LUZP2: variants seen among roughly 807,000 people sequenced by gnomAD.
The protein encoded by LUZP2 is leucine zipper protein 2.
In LUZP2, 52 loss-of-function variants were observed where a neutral mutation model predicts 51.6. The observed-to-expected ratio is 1.01, with a 90% CI of 0.81 to 1.27. The LOEUF (loss-of-function observed/expected upper bound fraction) is 1.27. Ranked by LOEUF, LUZP2 falls within the 50% of genes most tolerant of loss-of-function variation. The pLI, the probability that LUZP2 is intolerant of heterozygous loss-of-function variation, is 0.00. For synonymous variants in LUZP2, 154 were observed against 137.3 expected (o/e 1.12, Z -0.85); for missense variants, 436 against 395.4 (o/e 1.10, Z -0.87).
At chr11:24,704,393 A>G (rs1292137293) in intron 1 of LUZP2, among the ~76,000 whole-genome samples, 2 of 152,026 alleles carry the variant, frequency 1.3e-5, no homozygotes, top group African/African-American at 4.8e-5. Context: ...GCATTATCCA[A>G]ATTATAATTT....
chr11:24,867,032 A>G (rs762302714), intron 5 of LUZP2, among the ~76,000 whole-genome samples: 1 of 152,164 alleles, frequency 6.6e-6, no homozygotes, highest in African/African-American at 2.4e-5. Context: ...GAGTAATTCA[A>G]CTTGACTTCA....
chr11:25,020,291 T>A (rs1348884674), intron 9 of LUZP2, among the ~76,000 whole-genome samples: 1 of 152,116 alleles, frequency 6.6e-6, no homozygotes, highest in African/African-American at 2.4e-5. Flanking sequence ...CCTCTTTTTT[T>A]AATAAGAAAT....
intron 9 of LUZP2, among the ~76,000 whole-genome samples, chr11:24,996,350 T>A (rs1318524900): frequency 2.0e-5 from 3 of 151,388 alleles, no homozygotes; most frequent in African/African-American, 7.3e-5. Flanking sequence ...GTAAAACAGA[T>A]TCAACTCTCA....
At chr11:24,809,797 G>A (rs1849965134) in intron 5 of LUZP2, among the ~76,000 whole-genome samples, 1 of 151,958 alleles carries the variant, frequency 6.6e-6, no homozygotes, top group African/African-American at 2.4e-5. Context: ...ATTATGAAGT[G>A]GTTAGATTTG....
At chr11:24,793,469 CTT>C (rs1328198137) in intron 5 of LUZP2, among the ~76,000 whole-genome samples, 1 of 152,096 alleles carries the variant, frequency 6.6e-6, no homozygotes, top group Non-Finnish European at 1.5e-5. Context: ...AGTGAAAAGA[CTT>C]TTATGGATCC....
At chr11:25,026,180 A>G (rs957869112) in intron 9 of LUZP2, among the ~76,000 whole-genome samples, 1 of 151,784 alleles carries the variant, frequency 6.6e-6, no homozygotes, top group Non-Finnish European at 1.5e-5. Context: ...ATTAGGAGAT[A>G]TACCTAATGT....
intron 1 of LUZP2, among the ~76,000 whole-genome samples, chr11:24,678,935 C>G (rs921777852): frequency 3.9e-5 from 6 of 152,182 alleles, no homozygotes; most frequent in Admixed American, 3.9e-4. Flanking sequence ...GCCTGCACCG[C>G]AAGAGAACAA....
intron 5 of LUZP2, among the ~76,000 whole-genome samples, chr11:24,806,977 A>G (rs1849872007): frequency 6.7e-6 from 1 of 148,776 alleles, no homozygotes; most frequent in Non-Finnish European, 1.5e-5. Context: ...TATTAATCAC[A>G]TCAGTGGGCA....
At chr11:24,507,337 A>T (rs1371065872) in intron 1 of LUZP2, among the ~76,000 whole-genome samples, 1 of 152,102 alleles carries the variant, frequency 6.6e-6, no homozygotes, top group Non-Finnish European at 1.5e-5. Flanking sequence ...TTGTAGCTGA[A>T]GTCAGGAGAA....
intron 1 of LUZP2, among the ~76,000 whole-genome samples, chr11:24,627,315 G>GA (rs1189908805): frequency 2.0e-5 from 3 of 152,222 alleles, no homozygotes; most frequent in Admixed American, 6.5e-5. Context: ...AATGTGCCCA[G>GA]AAAAAAGAGA....
intron 1 of LUZP2, among the ~76,000 whole-genome samples, chr11:24,622,798 A>G (rs1283262814): frequency 1.3e-5 from 2 of 152,146 alleles, no homozygotes; most frequent in East Asian, 1.9e-4. Flanking sequence ...TACTTGACCA[A>G]GTTTTTGAGA....
At chr11:24,967,811 A>G (rs1855631796) in intron 7 of LUZP2, among the ~76,000 whole-genome samples, 1 of 152,006 alleles carries the variant, frequency 6.6e-6, no homozygotes, top group African/African-American at 2.4e-5. Context: ...GCTGCCTTAA[A>G]GTGTTTTTCT....
At chr11:24,897,868 A>G (rs1269251985) in intron 5 of LUZP2, among the ~76,000 whole-genome samples, 1 of 152,096 alleles carries the variant, frequency 6.6e-6, no homozygotes, top group African/African-American at 2.4e-5. Context: ...GGAGATTTTC[A>G]TCTTTGTCCT....
chr11:24,525,265 A>G (rs188970284), intron 1 of LUZP2, among the ~76,000 whole-genome samples: 46 of 151,832 alleles, frequency 3.0e-4, no homozygotes, highest in African/African-American at 9.2e-4. Flanking sequence ...TTCATGAGGA[A>G]GAACATTAGG....
At chr11:24,514,775 C>T (rs993743299) in intron 1 of LUZP2, among the ~76,000 whole-genome samples, 5 of 152,102 alleles carry the variant, frequency 3.3e-5, no homozygotes, top group Non-Finnish European at 7.3e-5. Context: ...AGAATTCTCC[C>T]CACTGGTGTT....
At chr11:24,865,470 A>G (rs1184350193) in intron 5 of LUZP2, among the ~76,000 whole-genome samples, 10 of 152,152 alleles carry the variant, frequency 6.6e-5, no homozygotes, top group African/African-American at 2.4e-4. Context: ...AAAGAGGCCA[A>G]GTTTTTTGCT....
At chr11:24,944,120 A>C (rs910043294) in intron 7 of LUZP2, among the ~76,000 whole-genome samples, 1 of 152,184 alleles carries the variant, frequency 6.6e-6, no homozygotes, top group African/African-American at 2.4e-5. Context: ...TCTGCATTTT[A>C]GAATCATCTG....
chr11:24,813,954 A>G (rs569537314), intron 5 of LUZP2, among the ~76,000 whole-genome samples: 23 of 152,236 alleles, frequency 1.5e-4, no homozygotes. Flanking sequence ...ACCGGAAATA[A>G]TAACAACACC....
rs182840648 is a variant in LUZP2, at chr11:24,926,608, T to C, written c.522+12070T>C. On this transcript the variant is annotated intron_variant, in intron 7 of 11. Transcript: ENST00000336930. The stretch of plus-strand genomic sequence containing the variant: ...ATATGTGTGTATATATATGTGTGTA[T>C]ATATGTATATATATATGTGTGTATA... 8.4e-3 allele frequency among the ~76,000 whole-genome samples: 1,228 copies of C among 145,900 alleles called. 18 individuals carry two copies. Among genetic ancestry groups the C allele is most frequent in the South Asian group, 0.04 (185 of 4,616 alleles).
Sources: allele counts gnomAD v4.1 joint callset (sites outside exome capture counted in the v4.1 genomes callset), GRCh38; gene constraint gnomAD v4.1.1; transcripts MANE v1.5; gene names NCBI Gene and HGNC (gene_info 2026-07-23, HGNC 2026-07-21).